The following CAMTA1 variants were observed in gnomAD, a reference collection of about 807,000 sequenced individuals.
The protein encoded by CAMTA1 is calmodulin-binding transcription activator 1.
A neutral mutation model predicts 170.9 loss-of-function variants in CAMTA1; 27 were observed. The observed-to-expected ratio is 0.16, with a 90% CI of 0.12 to 0.22. The LOEUF is 0.22. CAMTA1 is among the 10% of genes least tolerant of loss of function. CAMTA1 has a pLI of 1.00. For missense variants in CAMTA1, 1,619 were observed against 2,217.2 expected, an observed-to-expected ratio of 0.73 and a Z score of 5.42; for synonymous variants, 833 against 891.5, an observed-to-expected ratio of 0.93 and a Z score of 1.17.
At chr1:7,023,532 G>T (rs552916860) in intron 3 of CAMTA1, among the ~76,000 whole-genome samples, 1 of 152,312 alleles carries the variant, frequency 6.6e-6, no homozygotes, top group East Asian at 1.9e-4. Flanking sequence ...TCAGATATGT[G>T]TAAAATGTTT....
chr1:6,926,060 C>G (rs1209720127), intron 3 of CAMTA1, among the ~76,000 whole-genome samples: 1 of 152,250 alleles, frequency 6.6e-6, no homozygotes, highest in Non-Finnish European at 1.5e-5. Context: ...CTGTTCCTCC[C>G]TGTGTCATCT....
At chr1:7,739,148 T>C (rs534101548) in intron 16 of CAMTA1, among the ~76,000 whole-genome samples, 1 of 149,144 alleles carries the variant, frequency 6.7e-6, no homozygotes, top group East Asian at 2.1e-4. Flanking sequence ...AAGGGCAGCC[T>C]AAAAACATGT....
intron 6 of CAMTA1, among the ~76,000 whole-genome samples, chr1:7,614,650 C>G (rs968321347): frequency 2.0e-5 from 3 of 152,126 alleles, no homozygotes; most frequent in South Asian, 2.1e-4. Context: ...TCACTGTTAT[C>G]AACAGTAACA....
At chr1:7,345,921 C>T (rs968097743) in intron 5 of CAMTA1, among the ~76,000 whole-genome samples, 1 of 152,328 alleles carries the variant, frequency 6.6e-6, no homozygotes, top group Non-Finnish European at 1.5e-5. Flanking sequence ...AATGTCAGGA[C>T]TGCTGAATCT....
intron 3 of CAMTA1, among the ~76,000 whole-genome samples, chr1:7,040,968 C>T (rs1572629524): frequency 2.6e-5 from 4 of 152,232 alleles, no homozygotes; most frequent in South Asian, 2.1e-4. Flanking sequence ...ATGATCTGCC[C>T]GCCTCAGCCT....
intron 5 of CAMTA1, among the ~76,000 whole-genome samples, chr1:7,425,298 G>A (rs899977316): frequency 7.9e-5 from 12 of 152,154 alleles, no homozygotes; most frequent in African/African-American, 2.9e-4. Context: ...CCCTTCCATG[G>A]TGCCCTGAGG....
At chr1:6,883,576 A>G (rs1424393784) in intron 3 of CAMTA1, among the ~76,000 whole-genome samples, 2 of 152,152 alleles carry the variant, frequency 1.3e-5, no homozygotes, top group African/African-American at 4.8e-5. Context: ...AGGATAGACC[A>G]TGTGGTCTAA....
intron 3 of CAMTA1, among the ~76,000 whole-genome samples, chr1:7,084,424 T>C (rs887245720): frequency 2.0e-5 from 3 of 152,050 alleles, no homozygotes; most frequent in African/African-American, 7.2e-5. Context: ...CAGCCTGCAG[T>C]GCATAGCTCC....
chr1:7,331,111 G>A (rs190177323), intron 5 of CAMTA1, among the ~76,000 whole-genome samples: 2 of 152,274 alleles, frequency 1.3e-5, no homozygotes, highest in African/African-American at 4.8e-5. Context: ...GTGATGGCAG[G>A]CACCTGTAAT....
At chr1:7,652,784 C>T (rs924978906) in intron 7 of CAMTA1, among the ~76,000 whole-genome samples, 5 of 152,100 alleles carry the variant, frequency 3.3e-5, no homozygotes, top group Non-Finnish European at 5.9e-5. Flanking sequence ...GAGCTGCTGT[C>T]CAGTCTTCCT....
At chr1:7,020,238 A>G (rs1373693771) in intron 3 of CAMTA1, among the ~76,000 whole-genome samples, 1 of 152,272 alleles carries the variant, frequency 6.6e-6, no homozygotes, top group Non-Finnish European at 1.5e-5. Context: ...AACTGATTGC[A>G]TATACCACAG....
At chr1:7,610,564 A>G (rs2095517158) in intron 6 of CAMTA1, among the ~76,000 whole-genome samples, 1 of 152,188 alleles carries the variant, frequency 6.6e-6, no homozygotes, top group Non-Finnish European at 1.5e-5. Context: ...CTGCCATTCA[A>G]AAGTGACTGG....
At chr1:7,080,326 A>G (rs2148016297) in intron 3 of CAMTA1, among the ~76,000 whole-genome samples, 1 of 152,192 alleles carries the variant, frequency 6.6e-6, no homozygotes, top group East Asian at 1.9e-4. Flanking sequence ...AAAAGGTAGG[A>G]CATATATTCC....
intron 6 of CAMTA1, among the ~76,000 whole-genome samples, chr1:7,614,884 C>G (rs928156186): frequency 6.6e-6 from 1 of 152,156 alleles, no homozygotes; most frequent in African/African-American, 2.4e-5. Flanking sequence ...AGGGCCCTTG[C>G]CCATCAGATA....
intron 5 of CAMTA1, among the ~76,000 whole-genome samples, chr1:7,434,616 C>CT (rs1224976684): frequency 4.6e-5 from 7 of 152,180 alleles, no homozygotes; most frequent in African/African-American, 1.7e-4. Flanking sequence ...AACAGAGTGT[C>CT]TGAGATTGGG....
chr1:6,926,348 C>CT (rs1261269129), intron 3 of CAMTA1, among the ~76,000 whole-genome samples: 2 of 145,194 alleles, frequency 1.4e-5, no homozygotes, highest in Non-Finnish European at 3.0e-5. Context: ...CTTTCCTTTC[C>CT]TCCCTCCCTC....
chr1:7,542,041 C>G (rs190389968), intron 6 of CAMTA1, among the ~76,000 whole-genome samples: 2 of 152,250 alleles, frequency 1.3e-5, no homozygotes, highest in Non-Finnish European at 2.9e-5. Context: ...TTTAACTTCA[C>G]TTTTTTCTTA....
At chr1:7,112,119 G>A (rs914838606) in intron 4 of CAMTA1, among the ~76,000 whole-genome samples, 3 of 152,126 alleles carry the variant, frequency 2.0e-5, no homozygotes, top group African/African-American at 7.2e-5. Flanking sequence ...GGGAGGCTGT[G>A]TGGGTCGCCG....
intron 3 of CAMTA1, among the ~76,000 whole-genome samples, chr1:6,983,036 TTGA>T (rs1694708162): frequency 6.6e-6 from 1 of 152,158 alleles, no homozygotes. Context: ...TAAACTTACC[TTGA>T]TGATTCATCC....
Sources: allele counts gnomAD v4.1 joint callset (sites outside exome capture counted in the v4.1 genomes callset), GRCh38; gene constraint gnomAD v4.1.1; transcripts MANE v1.5; gene names NCBI Gene and HGNC (gene_info 2026-07-23, HGNC 2026-07-21).